Variants in SETD3 observed in about 807,000 individuals in gnomAD.
The protein encoded by SETD3 is actin-histidine N-methyltransferase.
Under a neutral mutation model 63.0 loss-of-function variants are expected in SETD3, and 19 were observed. That is an observed-to-expected ratio of 0.30 (90% confidence interval 0.21 to 0.44). SETD3 has a LOEUF of 0.44. Among genes scored for constraint, SETD3 ranks in the 20% least tolerant of loss-of-function variants. The pLI is 1.00. For synonymous variants in SETD3, 286 were observed against 264.1 expected (o/e 1.08, Z -0.80); for missense variants, 587 against 728.5 (o/e 0.81, Z 2.24).
chr14:99,480,765 C>T lies in SETD3; in HGVS notation c.-46G>A, dbSNP rs1234743127. ...CCTAGCGCAGCGGGAACGACGTACTCCGGCCCGGACCCCGCCGTCCGCCTC... is the reference window on the plus strand; with the variant it reads ...CCTAGCGCAGCGGGAACGACGTACTTCGGCCCGGACCCCGCCGTCCGCCTC... On this transcript the variant is annotated 5_prime_UTR_variant, in exon 1 of 13. Transcript: ENST00000331768. The T allele has an allele frequency of 1.3e-5, 2 of 153,720 alleles. No individual in the cohort carries two copies. Among genetic ancestry groups the T allele is most frequent in the Non-Finnish European group, 2.9e-5 (2 of 69,898 alleles). The allele number at this position is 153,720 out of a possible 1,614,324, so 9.5% of individuals were successfully genotyped here.
chr14:99,410,154 T>C (rs1891901714), intron 8 of SETD3: 1 of 1,590,088 alleles, frequency 6.3e-7, no homozygotes, highest in African/African-American at 1.3e-5. Flanking sequence ...GTCCCGTAAG[T>C]GCCTAAGGAA....
At chr14:99,433,274 G>A (rs925108519) in intron 6 of SETD3, among the ~76,000 whole-genome samples, 1 of 152,072 alleles carries the variant, frequency 6.6e-6, no homozygotes, top group Non-Finnish European at 1.5e-5. Flanking sequence ...TTCATGTTAT[G>A]TGTGTTTTAC....
rs1019404209 is a variant in SETD3, at chr14:99,458,525, A to G, written c.429T>C (p.Tyr143=). The stretch of plus-strand genomic sequence containing the variant: ...TGGCTTGAAGGATTCGGTCTTGAGA[A>G]TATAAGGGCCCTGAATTAACCCAGA... ...SAKNSVLGPL[Y]SQDRILQAMG... is the part of the protein sequence containing the mutation. The change falls in exon 6 of 13, where the codon TAT becomes TAC. Residue 143 remains tyrosine, a synonymous_variant. Transcript: ENST00000331768. 1 of 1,613,818 alleles carries G rather than the reference A, an allele frequency of 6.2e-7. No individual in the cohort carries two copies. The highest frequency in any genetic ancestry group is 1.3e-5 in the African/African-American group (1 of 74,916).
chr14:99,475,651 A>C (rs1291618167), intron 1 of SETD3, among the ~76,000 whole-genome samples: 2 of 152,220 alleles, frequency 1.3e-5, no homozygotes, highest in Non-Finnish European at 2.9e-5. Context: ...TAAGCATATT[A>C]TACTTCAATG....
At chr14:99,451,432 T>G (rs1282079584) in intron 6 of SETD3, among the ~76,000 whole-genome samples, 1 of 152,208 alleles carries the variant, frequency 6.6e-6, no homozygotes, top group Non-Finnish European at 1.5e-5. Flanking sequence ...GGAGTTTGGG[T>G]GGTAGACTTT....
chr14:99,459,542 C>T (rs1894954209), intron 4 of SETD3, among the ~76,000 whole-genome samples: 1 of 152,076 alleles, frequency 6.6e-6, no homozygotes, highest in African/African-American at 2.4e-5. Context: ...AAAACCAGAC[C>T]AAATCAAAAC....
chr14:99,456,852 G>A (rs1054626418), intron 6 of SETD3, among the ~76,000 whole-genome samples: 8 of 152,120 alleles, frequency 5.3e-5, no homozygotes, highest in African/African-American at 1.9e-4. Flanking sequence ...GCTCATTCAC[G>A]CCAAGTCGGT....
intron 1 of SETD3, among the ~76,000 whole-genome samples, chr14:99,473,292 C>T (rs1354516719): frequency 6.6e-6 from 1 of 152,186 alleles, no homozygotes; most frequent in Non-Finnish European, 1.5e-5. Context: ...CTAATGTGGG[C>T]AGTGGGAGCG....
At chr14:99,399,226 T>G in intron 12 of SETD3, 101 bp from the exon 13 acceptor site, 2 of 973,892 alleles carry the variant, frequency 2.1e-6, no homozygotes, top group Non-Finnish European at 3.1e-6. Context: ...GGGAACTTTT[T>G]GGGGTGACGG....
intron 6 of SETD3, among the ~76,000 whole-genome samples, chr14:99,427,947 G>A (rs937751096): frequency 2.0e-5 from 3 of 152,348 alleles, no homozygotes; most frequent in Admixed American, 6.5e-5. Flanking sequence ...TTCCATGTGG[G>A]AAGGGAGACA....
chr14:99,403,545 G>A (rs1342711045), intron 11 of SETD3, among the ~76,000 whole-genome samples: 3 of 150,104 alleles, frequency 2.0e-5, no homozygotes, highest in Non-Finnish European at 4.4e-5. Flanking sequence ...ATACATTTTA[G>A]GATGAAAAAT....
intron 1 of SETD3, 29 bp downstream of exon 1, chr14:99,480,699 C>G (rs1302688004): frequency 6.6e-6 from 1 of 150,774 alleles, no homozygotes; most frequent in East Asian, 1.9e-4. Flanking sequence ...GCGGGCCGCG[C>G]GGGCGCAGAG....
At position 99,420,033 on chromosome 14, in the gene SETD3, G is replaced by A. The variant is rs534842833; in HGVS notation, c.676-6099C>T. On this transcript the variant is annotated intron_variant, in intron 6 of 12. Coordinates refer to ENST00000331768, the MANE Select transcript of SETD3 (RefSeq NM_032233.3). The stretch of plus-strand genomic sequence containing the variant: ...ATCACTGATATCATTAGGGGGTACT[G>A]CCTAGCAGTGAAGACAGATAAGTGA... 2.1e-4 allele frequency among the ~76,000 whole-genome samples: 32 copies of A among 152,330 alleles called. No homozygotes were observed. In the East Asian group the frequency reaches 6.0e-3, roughly 28 times the overall value.
upstream of SETD3, among the ~76,000 whole-genome samples, chr14:99,483,593 G>A (rs1380418907): frequency 6.6e-6 from 1 of 152,202 alleles, no homozygotes; most frequent in East Asian, 1.9e-4. Flanking sequence ...TTTTGTTACA[G>A]TTTACTAGAC....
chr14:99,457,538 A>G (rs1894828267), intron 6 of SETD3, among the ~76,000 whole-genome samples: 1 of 152,246 alleles, frequency 6.6e-6, no homozygotes. Flanking sequence ...AGACAAGGAA[A>G]GCGAGCAAGT....
At chr14:99,402,677 A>C (rs1057069122) in intron 11 of SETD3, among the ~76,000 whole-genome samples, 1 of 152,186 alleles carries the variant, frequency 6.6e-6, no homozygotes, top group African/African-American at 2.4e-5. Context: ...CCCAGGCTCA[A>C]ACAATCCTCC....
chr14:99,449,743 G>C (rs546381649), intron 6 of SETD3, among the ~76,000 whole-genome samples: 1 of 152,220 alleles, frequency 6.6e-6, no homozygotes, highest in Non-Finnish European at 1.5e-5. Context: ...TAATAGTATC[G>C]TACCACGGTT....
intron 6 of SETD3, among the ~76,000 whole-genome samples, chr14:99,430,444 A>C (rs1211762809): frequency 6.6e-6 from 1 of 152,234 alleles, no homozygotes; most frequent in Non-Finnish European, 1.5e-5. Flanking sequence ...ATTCAAAAAT[A>C]ATTTCATGTT....
At chr14:99,405,428 T>G (rs1891628579) in intron 9 of SETD3, 57 bp from the exon 10 acceptor site, 1 of 1,565,122 alleles carries the variant, frequency 6.4e-7, no homozygotes, top group Admixed American at 1.8e-5. Context: ...CATGTATTCT[T>G]AACACAGGGC....
Sources: allele counts gnomAD v4.1 joint callset (sites outside exome capture counted in the v4.1 genomes callset), GRCh38; gene constraint gnomAD v4.1.1; transcripts MANE v1.5; gene names NCBI Gene and HGNC (gene_info 2026-07-23, HGNC 2026-07-21).